The following MTA3 variants were observed in gnomAD, a reference collection of about 807,000 sequenced individuals.
MTA3 encodes metastasis associated 1 family member 3, also known as metastasis-associated protein MTA3.
Under a neutral mutation model 83.5 loss-of-function variants are expected in MTA3, and 34 were observed. The observed-to-expected ratio is 0.41, with a 90% CI of 0.31 to 0.54. The LOEUF (loss-of-function observed/expected upper bound fraction) is 0.54. MTA3 is among the 20% of genes least tolerant of loss of function. The probability of loss-of-function intolerance (pLI) is 0.33; values close to 1 mark genes in which losing one functional copy is unlikely to be tolerated. For missense variants in MTA3, 761 were observed against 726.4 expected (o/e 1.05, Z -0.55); for synonymous variants, 303 against 252.7 (o/e 1.20, Z -1.89).
chr2:42,658,045 C>T (rs1033729661), intron 7 of MTA3, among the ~76,000 whole-genome samples: 1 of 128,032 alleles, frequency 7.8e-6, no homozygotes, highest in African/African-American at 3.0e-5. Context: ...GCACTCCAGC[C>T]TGGGCGACAG....
At chr2:42,677,759 C>CA (rs1691515049) in intron 8 of MTA3, among the ~76,000 whole-genome samples, 1 of 152,142 alleles carries the variant, frequency 6.6e-6, no homozygotes, top group African/African-American at 2.4e-5. Context: ...GAGGCCTCCC[C>CA]AGCCATGTGG....
chr2:42,721,330 C>CT (rs773375150), intron 15 of MTA3, among the ~76,000 whole-genome samples: 4,418 of 138,122 alleles, frequency 0.032, 205 homozygotes, highest in African/African-American at 0.1. Context: ...TTTTCTTTTT[C>CT]TTTTTTTTTT....
At chr2:42,629,064 G>A (rs1441829696) in intron 4 of MTA3, among the ~76,000 whole-genome samples, 1 of 152,096 alleles carries the variant, frequency 6.6e-6, no homozygotes, top group Admixed American at 6.6e-5. Flanking sequence ...TCCAAAAGCA[G>A]TGGATGATAG....
chr2:42,532,269 G>C (rs2103724120), intron 2 of MTA3, among the ~76,000 whole-genome samples: 1 of 152,332 alleles, frequency 6.6e-6, no homozygotes, highest in East Asian at 1.9e-4. Flanking sequence ...GCAGCACTTT[G>C]AGAGGTTGAG....
At chr2:42,746,129 C>G (rs1351835780) in intron 16 of MTA3, among the ~76,000 whole-genome samples, 2 of 152,114 alleles carry the variant, frequency 1.3e-5, no homozygotes, top group African/African-American at 4.8e-5. Context: ...TCCTCTTTAT[C>G]TCTGTTAATA....
intron 2 of MTA3, among the ~76,000 whole-genome samples, chr2:42,548,671 C>T (rs528764385): frequency 1.4e-5 from 2 of 144,298 alleles, no homozygotes; most frequent in African/African-American, 5.2e-5. Flanking sequence ...GGTGTGGTGG[C>T]ACACACCTGG....
intron 3 of MTA3, among the ~76,000 whole-genome samples, chr2:42,606,527 C>T (rs1683439014): frequency 6.7e-6 from 1 of 148,934 alleles, no homozygotes; most frequent in African/African-American, 2.5e-5. Context: ...GTGATGGCGG[C>T]TGGGAAGAGG....
At chr2:42,722,763 G>T (rs1667518787) in intron 15 of MTA3, 126 bp from the exon 16 acceptor site, 5 of 1,115,688 alleles carry the variant, frequency 4.5e-6, no homozygotes, top group Non-Finnish European at 5.0e-6. Flanking sequence ...GCAAGTCCTT[G>T]GCTGGCTCAG....
intron 8 of MTA3, among the ~76,000 whole-genome samples, chr2:42,679,173 T>A (rs1691646925): frequency 6.6e-6 from 1 of 152,106 alleles, no homozygotes; most frequent in African/African-American, 2.4e-5. Context: ...ATAATGAAGG[T>A]AAAATGAATT....
At chr2:42,525,065 A>G (rs1675623270) in intron 2 of MTA3, among the ~76,000 whole-genome samples, 1 of 150,316 alleles carries the variant, frequency 6.7e-6, no homozygotes, top group African/African-American at 2.5e-5. Flanking sequence ...CCATTAACTC[A>G]TCCTTTAGCG....
intron 3 of MTA3, among the ~76,000 whole-genome samples, chr2:42,587,177 A>G (rs1397349930): frequency 6.6e-6 from 1 of 152,022 alleles, no homozygotes; most frequent in Non-Finnish European, 1.5e-5. Context: ...TGGGTGACAC[A>G]GTGAGACTCT....
At chr2:42,575,467 A>G (rs144205472) in intron 2 of MTA3, among the ~76,000 whole-genome samples, 51 of 152,270 alleles carry the variant, frequency 3.3e-4, no homozygotes, top group African/African-American at 1.0e-3. Flanking sequence ...TAGCTTTACT[A>G]TTTACAAACT....
At position 42,616,640 on chromosome 2, in the gene MTA3, A is replaced by C. The variant is rs1223945423; in HGVS notation, c.317+7056A>C. Reference sequence around the variant, plus strand: ...GTCACCCAGGCTGGAATGTAGTGGCACAATCATGGCTCACTGCAGCCTCGT... The same window carrying C: ...GTCACCCAGGCTGGAATGTAGTGGCCCAATCATGGCTCACTGCAGCCTCGT... On this transcript the variant is annotated intron_variant, in intron 4 of 16. Coordinates refer to ENST00000405094, the MANE Select transcript of MTA3 (RefSeq NM_001330442.2). Among the ~76,000 whole-genome samples the C allele has an allele frequency of 3.2e-5, 4 of 123,678 alleles. No individual in the cohort carries two copies. The East Asian group carries it at 1.0e-3, about 31-fold the overall frequency. The allele number at this position is 123,678 out of a possible 152,430, so 81.1% of individuals were successfully genotyped here.
chr2:42,520,042 CAAAA>C (rs1023250442), intron 2 of MTA3, among the ~76,000 whole-genome samples: 3 of 151,438 alleles, frequency 2.0e-5, no homozygotes, highest in African/African-American at 7.3e-5. Flanking sequence ...GACCTTGTCT[CAAAA>C]AAAATAAATA....
Position 42,753,648 on chromosome 2 carries a change from T to G in MTA3, c.*249T>G. The G allele has an allele frequency of 7.6e-7, 1 of 1,315,076 alleles. No homozygotes were observed. The highest frequency in any genetic ancestry group is 1.7e-5 in the South Asian group (1 of 60,050). 81.5% of individuals were successfully genotyped at this position (1,315,076 alleles called of 1,614,324 possible). On this transcript the variant is annotated 3_prime_UTR_variant, in exon 17 of 17. Transcript: ENST00000405094. ...GACCTCGCTGTTACGGAGCGAGACC[T>G]GCTGAGAATTGAGGGGCTGAGGGAA...
chr2:42,574,059 A>G (rs1678777025), intron 2 of MTA3, among the ~76,000 whole-genome samples: 1 of 148,274 alleles, frequency 6.7e-6, no homozygotes, highest in Non-Finnish European at 1.5e-5. Context: ...GATGGTCTCG[A>G]TCTCCTGACC....
intron 2 of MTA3, 107 bp from the exon 3 acceptor site, chr2:42,579,000 A>G (rs1301074981): frequency 7.6e-6 from 5 of 656,076 alleles, no homozygotes; most frequent in East Asian, 3.1e-5. Context: ...GGTTGGCACC[A>G]GTGTTAATGA....
At chr2:42,694,677 C>T (rs1310105310) in intron 9 of MTA3, among the ~76,000 whole-genome samples, 1 of 152,204 alleles carries the variant, frequency 6.6e-6, no homozygotes, top group Non-Finnish European at 1.5e-5. Context: ...GACTGTCTCT[C>T]CTGTCTTCCT....
intron 8 of MTA3, among the ~76,000 whole-genome samples, chr2:42,663,109 T>C (rs1282917998): frequency 6.6e-6 from 1 of 152,208 alleles, no homozygotes; most frequent in African/African-American, 2.4e-5. Flanking sequence ...AGGTAAACTA[T>C]TATTTATGTA....
Sources: gnomAD v4.1 joint callset for allele counts (sites outside exome capture counted in the v4.1 genomes callset) on GRCh38, gnomAD v4.1.1 for gene constraint, MANE v1.5 for transcripts, NCBI Gene and HGNC (gene_info 2026-07-23, HGNC 2026-07-21) for gene names.